The following MAP3K14 variants were observed in gnomAD, a reference collection of about 807,000 sequenced individuals.
MAP3K14 encodes the protein mitogen-activated protein kinase kinase kinase 14.
In MAP3K14, 16 loss-of-function variants were observed where a neutral mutation model predicts 99.2. That is an observed-to-expected ratio of 0.16 (90% CI 0.11 to 0.24). The LOEUF is 0.24. MAP3K14 is among the 10% of genes least tolerant of loss of function. The pLI is 1.00. For synonymous variants in MAP3K14, 462 were observed against 492.4 expected (o/e 0.94, Z 0.82); for missense variants, 784 against 1,208.7 (o/e 0.65, Z 5.21).
intron 1 of MAP3K14, among the ~76,000 whole-genome samples, chr17:45,305,555 A>G (rs2044424711): frequency 6.6e-6 from 1 of 152,066 alleles, no homozygotes; most frequent in Non-Finnish European, 1.5e-5. Context: ...ACCACCACGC[A>G]TGGCTAATTT....
chr17:45,309,590 C>A (rs911273199), intron 1 of MAP3K14, among the ~76,000 whole-genome samples: 9 of 152,146 alleles, frequency 5.9e-5, no homozygotes, highest in Admixed American at 2.6e-4. Flanking sequence ...TAAATGAGTG[C>A]CACAGGCTCT....
chr17:45,289,010 GATGTGGCCCAGAGGC>G (rs1381726907), intron 3 of MAP3K14, among the ~76,000 whole-genome samples: 4 of 152,222 alleles, frequency 2.6e-5, no homozygotes, highest in Non-Finnish European at 4.4e-5. Flanking sequence ...ATGTCAAGTT[GATGTGGCCCAGAGGC>G]AGTCAGCCAC....
chr17:45,289,699 AT>A (rs1273043639), intron 2 of MAP3K14, among the ~76,000 whole-genome samples: 2 of 152,284 alleles, frequency 1.3e-5, no homozygotes, highest in African/African-American at 4.8e-5. Flanking sequence ...ATATATGTGT[AT>A]TTTTTTAAAA....
At chr17:45,301,525 A>T (rs1168168554) in intron 1 of MAP3K14, among the ~76,000 whole-genome samples, 1 of 152,154 alleles carries the variant, frequency 6.6e-6, no homozygotes, top group African/African-American at 2.4e-5. Context: ...AAAAAAGTCT[A>T]ATTACAGGGG....
At chr17:45,266,790 G>GCAACCCTTACCCTCCTCC in intron 13 of MAP3K14, 109 bp from the exon 14 acceptor site, 1 of 1,267,754 alleles carries the variant, frequency 7.9e-7, no homozygotes, top group Non-Finnish European at 1.1e-6. Flanking sequence ...TCAGCTGGAG[G>GCAACCCTTACCCTCCTCC]AGGGTAAGGG....
At chr17:45,276,001 T>C (rs2044177439) in intron 6 of MAP3K14, among the ~76,000 whole-genome samples, 1 of 152,128 alleles carries the variant, frequency 6.6e-6, no homozygotes, top group Non-Finnish European at 1.5e-5. Flanking sequence ...AACCTTGTGA[T>C]TTGCCTGCGT....
chr17:45,270,455 C>T lies in MAP3K14; in HGVS notation c.1930G>A (p.Ala644Thr). The T allele has an allele frequency of 6.2e-7, 1 of 1,612,292 alleles. No homozygotes were observed. The highest frequency in any genetic ancestry group is 1.3e-5 in the African/African-American group (1 of 74,950). Residue 644 changes from alanine to threonine, a missense_variant, in exon 11 of 16, where the codon GCA (alanine) becomes ACA (threonine). Transcript: ENST00000344686. ...TTCACCTTCCCTCCCAGCTCCGCTG[C>T]AGACACGCGGTGGATGGGCTCTTTC... ...LRKEPIHRVSAAELGGKVNRA... is the reference protein window; with the variant it reads ...LRKEPIHRVSTAELGGKVNRA...
At chr17:45,306,775 C>G (rs1313338687) in intron 1 of MAP3K14, among the ~76,000 whole-genome samples, 12 of 152,156 alleles carry the variant, frequency 7.9e-5, no homozygotes, top group Admixed American at 6.6e-4. Flanking sequence ...TTCAATTCAA[C>G]CTTCAAATCC....
At chr17:45,273,003 T>A (rs2044151924) in intron 9 of MAP3K14, among the ~76,000 whole-genome samples, 1 of 152,200 alleles carries the variant, frequency 6.6e-6, no homozygotes, top group African/African-American at 2.4e-5. Flanking sequence ...AGAATTCTGT[T>A]CTCTGCCTCT....
At position 45,272,245 on chromosome 17, in the gene MAP3K14, GA is replaced by G. The variant is rs1480846981; in HGVS notation, c.1658-1025del. On this transcript the variant is annotated intron_variant, in intron 9 of 15. Coordinates refer to ENST00000344686, the MANE Select transcript of MAP3K14 (RefSeq NM_003954.5). The surrounding 1 kb of genome is among the most constrained non-coding windows in gnomAD (Gnocchi z 4.1). ...GGAGGCTGAGGTGGGAGGATCGCTT[GA>G]ACCAAGGAGCTTGAGGCTGCAGTGA... Among the ~76,000 whole-genome samples, 5 of 152,162 alleles carry G rather than the reference GA, an allele frequency of 3.3e-5. No homozygotes were observed. Among genetic ancestry groups the G allele is most frequent in the African/African-American group, 4.8e-5 (2 of 41,430 alleles).
chr17:45,299,501 ACT>A (rs1170367048), intron 1 of MAP3K14, among the ~76,000 whole-genome samples: 3 of 152,014 alleles, frequency 2.0e-5, no homozygotes, highest in Non-Finnish European at 2.9e-5. Context: ...GGCTTGCTTC[ACT>A]CTCTCCCTCA....
chr17:45,270,481 C>T lies in MAP3K14; in HGVS notation c.1904G>A (p.Arg635Lys), dbSNP rs1567987941. ...LTAQAIQEGLRKEPIHRVSAA... is the reference protein window; with the variant it reads ...LTAQAIQEGLKKEPIHRVSAA... ...AGACACGCGGTGGATGGGCTCTTTC[C>T]TCAGCCCCTCTTGGATGGCCTGGGC... Residue 635 changes from arginine to lysine, a missense_variant, in exon 11 of 16, where the codon AGG becomes AAG. Transcript: ENST00000344686. 6.2e-7 allele frequency: 1 copy of T among 1,611,146 alleles called. No homozygotes were observed. Among genetic ancestry groups the T allele is most frequent in the Non-Finnish European group, 8.5e-7 (1 of 1,178,922 alleles).
intron 1 of MAP3K14, among the ~76,000 whole-genome samples, chr17:45,301,669 C>T (rs1158429070): frequency 6.6e-6 from 1 of 152,110 alleles, no homozygotes; most frequent in African/African-American, 2.4e-5. Flanking sequence ...ACCCTATATA[C>T]ATGTGTCGGT....
chr17:45,270,153 T>A (rs897872546), intron 11 of MAP3K14, among the ~76,000 whole-genome samples: 1 of 152,154 alleles, frequency 6.6e-6, no homozygotes, highest in Non-Finnish European at 1.5e-5. Flanking sequence ...CTGGGTTGAT[T>A]GTAGTTGAGT....
Position 45,313,580 on chromosome 17 carries a change from C to T in MAP3K14, c.-21+3380G>A, listed in dbSNP as rs372152319. 1.1e-4 allele frequency among the ~76,000 whole-genome samples: 16 copies of T among 152,298 alleles called. No individual in the cohort carries two copies. The South Asian group carries it at 3.1e-3, about 30-fold the overall frequency. On this transcript the variant is annotated intron_variant, in intron 1 of 15. Transcript: ENST00000344686. ...ACAGCCTCAGCCACCACATGTGACA[C>T]GGAGACACCAAGGACTTGTTCTGTT...
At chr17:45,289,189 T>G in intron 3 of MAP3K14, 47 bp downstream of exon 3, 7 of 1,567,170 alleles carry the variant, frequency 4.5e-6, no homozygotes, top group Middle Eastern at 3.5e-4. Context: ...ACGAGGGCGC[T>G]GGGTCCAGTC....
intron 6 of MAP3K14, among the ~76,000 whole-genome samples, chr17:45,277,664 C>T (rs1043975425): frequency 2.0e-5 from 3 of 152,152 alleles, no homozygotes; most frequent in Non-Finnish European, 2.9e-5. Flanking sequence ...TGAGGCACCC[C>T]GGGGCACTGC....
intron 1 of MAP3K14, among the ~76,000 whole-genome samples, chr17:45,308,009 G>A (rs1295751226): frequency 1.3e-5 from 2 of 152,200 alleles, no homozygotes; most frequent in African/African-American, 4.8e-5. Context: ...CCTTTATAAT[G>A]AGGGGTCATA....
chr17:45,303,153 C>T (rs1314786648), intron 1 of MAP3K14, among the ~76,000 whole-genome samples: 7 of 152,216 alleles, frequency 4.6e-5, no homozygotes, highest in Non-Finnish European at 8.8e-5. Flanking sequence ...CCACTGCTTG[C>T]GCAAAGGGGT....
Sources: allele counts gnomAD v4.1 joint callset (sites outside exome capture counted in the v4.1 genomes callset), GRCh38; gene constraint gnomAD v4.1.1; non-coding constraint Gnocchi (gnomAD v3.1); transcripts MANE v1.5; gene names NCBI Gene and HGNC (gene_info 2026-07-23, HGNC 2026-07-21).